Variants in TTC7B observed in about 807,000 individuals in gnomAD.
The protein encoded by TTC7B is tetratricopeptide repeat protein 7B.
In TTC7B, 28 loss-of-function variants were observed where a neutral mutation model predicts 106.8. That is an observed-to-expected ratio of 0.26 (90% CI 0.19 to 0.36). The LOEUF (loss-of-function observed/expected upper bound fraction) is 0.36, where lower values mean the gene tolerates loss of function less well. TTC7B is among the 10% of genes least tolerant of loss of function. The probability of loss-of-function intolerance (pLI) is 1.00; values close to 1 mark genes in which losing one functional copy is unlikely to be tolerated. For missense variants in TTC7B, 862 were observed against 1,076.4 expected (o/e 0.80, Z 2.79); for synonymous variants, 405 against 430.6 (o/e 0.94, Z 0.74).
intron 3 of TTC7B, among the ~76,000 whole-genome samples, chr14:90,774,233 G>A (rs1008835735): frequency 6.6e-6 from 1 of 152,144 alleles, no homozygotes; most frequent in Non-Finnish European, 1.5e-5. Flanking sequence ...CGCTCACCTG[G>A]GGCCTGAGAT....
chr14:90,669,718 C>T (rs10139373), intron 9 of TTC7B, among the ~76,000 whole-genome samples: 15,248 of 152,080 alleles, frequency 0.1, 776 homozygotes, highest in Non-Finnish European at 0.11. Flanking sequence ...AAATCAATCC[C>T]ACAATGAGAT....
chr14:90,552,946 G>A (rs1409150941), intron 19 of TTC7B, among the ~76,000 whole-genome samples: 1 of 152,272 alleles, frequency 6.6e-6, no homozygotes, highest in East Asian at 1.9e-4. Context: ...GTCCCAGTCA[G>A]ACATAGGGGT....
intron 2 of TTC7B, among the ~76,000 whole-genome samples, chr14:90,785,290 CAG>C (rs1891348681): frequency 1.3e-5 from 2 of 152,208 alleles, no homozygotes; most frequent in South Asian, 4.2e-4. Flanking sequence ...AATGGAGTCT[CAG>C]AGGATTCCGA....
chr14:90,741,431 G>A (rs1889759530), intron 4 of TTC7B, among the ~76,000 whole-genome samples: 1 of 152,180 alleles, frequency 6.6e-6, no homozygotes, highest in African/African-American at 2.4e-5. Context: ...CCAGCGAGCA[G>A]AAGTTTCTTC....
intron 1 of TTC7B, among the ~76,000 whole-genome samples, chr14:90,810,687 G>A (rs1220913250): frequency 6.6e-6 from 1 of 152,196 alleles, no homozygotes; most frequent in Non-Finnish European, 1.5e-5. Flanking sequence ...GGGGTTCCTT[G>A]ACAGCACAGT....
chr14:90,603,918 A>G (rs1343016588), intron 17 of TTC7B, among the ~76,000 whole-genome samples: 1 of 152,122 alleles, frequency 6.6e-6, no homozygotes, highest in Non-Finnish European at 1.5e-5. Context: ...CTGGCTAGAC[A>G]CTCCCTGAGG....
At chr14:90,695,334 C>G (rs535939940) in intron 6 of TTC7B, among the ~76,000 whole-genome samples, 166 bp downstream of exon 6, 3 of 147,392 alleles carry the variant, frequency 2.0e-5, no homozygotes, top group South Asian at 2.1e-4. Flanking sequence ...ACATATATGT[C>G]ACATATATTT....
At chr14:90,558,578 C>T (rs1166040727) in intron 19 of TTC7B, among the ~76,000 whole-genome samples, 2 of 152,210 alleles carry the variant, frequency 1.3e-5, no homozygotes, top group African/African-American at 2.4e-5. Flanking sequence ...TAGGAACAAA[C>T]ATAAATGATA....
intron 5 of TTC7B, among the ~76,000 whole-genome samples, chr14:90,713,807 T>A (rs998096703): frequency 1.3e-5 from 2 of 152,066 alleles, no homozygotes; most frequent in Non-Finnish European, 2.9e-5. Context: ...AGTTGGTAAA[T>A]AAATAAACAA....
At chr14:90,586,193 G>C (rs1182956096) in intron 18 of TTC7B, among the ~76,000 whole-genome samples, 2 of 152,170 alleles carry the variant, frequency 1.3e-5, no homozygotes, top group East Asian at 1.9e-4. Flanking sequence ...TGGCTGCCGC[G>C]ATGCCGTCTG....
intron 9 of TTC7B, among the ~76,000 whole-genome samples, chr14:90,661,438 G>C (rs1415070629): frequency 6.6e-6 from 1 of 152,172 alleles, no homozygotes; most frequent in Non-Finnish European, 1.5e-5. Flanking sequence ...CGTAACCCAG[G>C]TCTGGGAGGC....
At chr14:90,755,377 G>A (rs191345246) in intron 3 of TTC7B, among the ~76,000 whole-genome samples, 1 of 152,334 alleles carries the variant, frequency 6.6e-6, no homozygotes, top group Non-Finnish European at 1.5e-5. Flanking sequence ...GCTGGGCACA[G>A]TGGCTCATGC....
intron 18 of TTC7B, among the ~76,000 whole-genome samples, chr14:90,587,367 C>A (rs1378878827): frequency 6.6e-6 from 1 of 152,222 alleles, no homozygotes; most frequent in Non-Finnish European, 1.5e-5. Context: ...TGAGCCTGGG[C>A]CCTTCTCCTG....
chr14:90,619,838 G>A (rs1475447372), intron 15 of TTC7B, among the ~76,000 whole-genome samples: 1 of 152,234 alleles, frequency 6.6e-6, no homozygotes, highest in African/African-American at 2.4e-5. Context: ...CTCTGAGTTT[G>A]ATGGGCCTTA....
intron 18 of TTC7B, among the ~76,000 whole-genome samples, chr14:90,583,087 C>T (rs928326607): frequency 2.0e-5 from 3 of 152,210 alleles, no homozygotes; most frequent in Admixed American, 2.0e-4. Flanking sequence ...ATAAGGACCA[C>T]ATATTCCACC....
At chr14:90,611,329 G>A (rs1186788385) in intron 16 of TTC7B, among the ~76,000 whole-genome samples, 2 of 152,182 alleles carry the variant, frequency 1.3e-5, no homozygotes, top group Non-Finnish European at 2.9e-5. Flanking sequence ...AGGTCCCACT[G>A]TGAACCGAAC....
intron 14 of TTC7B, chr14:90,644,772 A>C (rs1885361290): frequency 6.6e-6 from 1 of 152,326 alleles, no homozygotes; most frequent in Non-Finnish European, 1.5e-5. Context: ...TCCACTAGAC[A>C]TCAAGGAAAC....
intron 1 of TTC7B, among the ~76,000 whole-genome samples, chr14:90,786,834 A>G (rs1891408895): frequency 6.6e-6 from 1 of 151,926 alleles, no homozygotes; most frequent in South Asian, 2.1e-4. Flanking sequence ...GCCCACCTCG[A>G]CCTCCAAAAG....
At chr14:90,553,238 T>C (rs1890163239) in intron 19 of TTC7B, among the ~76,000 whole-genome samples, 1 of 152,220 alleles carries the variant, frequency 6.6e-6, no homozygotes, top group Non-Finnish European at 1.5e-5. Context: ...GGGGCTGCGC[T>C]ATCATGGGGC....
Sources: allele counts gnomAD v4.1 joint callset (sites outside exome capture counted in the v4.1 genomes callset), GRCh38; gene constraint gnomAD v4.1.1; transcripts MANE v1.5; gene names NCBI Gene and HGNC (gene_info 2026-07-23, HGNC 2026-07-21).